ROBO2: variants seen among roughly 807,000 people sequenced by gnomAD.
ROBO2 encodes roundabout homolog 2.
Under a neutral mutation model 160.8 loss-of-function variants are expected in ROBO2, and 53 were observed. That is an observed-to-expected ratio of 0.33 (90% CI 0.26 to 0.41). The LOEUF is 0.41. Among genes scored for constraint, ROBO2 ranks in the 10% least tolerant of loss-of-function variants. ROBO2 has a pLI of 1.00. For synonymous variants in ROBO2, 664 were observed against 611.7 expected (o/e 1.09, Z -1.26); for missense variants, 1,577 against 1,722.4 (o/e 0.92, Z 1.49).
chr3:75,952,651 T>C (rs1415473549), intron 2 of ROBO2, among the ~76,000 whole-genome samples: 1 of 152,006 alleles, frequency 6.6e-6, no homozygotes, highest in Non-Finnish European at 1.5e-5. Context: ...GACTAAAGTC[T>C]GTAGTTTATA....
chr3:76,859,991 C>G (rs1381395288), intron 2 of ROBO2, among the ~76,000 whole-genome samples: 5 of 152,144 alleles, frequency 3.3e-5, no homozygotes, highest in African/African-American at 1.2e-4. Context: ...TTCGACTGCA[C>G]ATGATATTTT....
At chr3:77,222,627 A>G (rs2085970666) in intron 2 of ROBO2, among the ~76,000 whole-genome samples, 1 of 152,172 alleles carries the variant, frequency 6.6e-6, no homozygotes, top group Non-Finnish European at 1.5e-5. Flanking sequence ...TTTGGAAACA[A>G]CTGCTGTTCA....
chr3:77,180,847 A>G (rs2080711732), intron 2 of ROBO2, among the ~76,000 whole-genome samples: 1 of 152,016 alleles, frequency 6.6e-6, no homozygotes, highest in South Asian at 2.1e-4. Flanking sequence ...ATACACTTTG[A>G]CCCATAATAT....
chr3:77,164,438 G>T (rs553604109), intron 2 of ROBO2, among the ~76,000 whole-genome samples: 6 of 137,462 alleles, frequency 4.4e-5, no homozygotes, highest in African/African-American at 1.6e-4. Flanking sequence ...GAGGGAGGTG[G>T]GGGGGTCAGC....
At chr3:77,216,162 C>T (rs1283573954) in intron 2 of ROBO2, among the ~76,000 whole-genome samples, 1 of 152,148 alleles carries the variant, frequency 6.6e-6, no homozygotes, top group Non-Finnish European at 1.5e-5. Flanking sequence ...TGTCTGTGCC[C>T]TGTCCCCAGA....
At chr3:77,219,910 G>T (rs2151186359) in intron 2 of ROBO2, among the ~76,000 whole-genome samples, 1 of 151,502 alleles carries the variant, frequency 6.6e-6, no homozygotes, top group Admixed American at 6.6e-5. Context: ...AAGTTCTTTA[G>T]TAATATGGAA....
intron 2 of ROBO2, among the ~76,000 whole-genome samples, chr3:77,194,707 C>T (rs980461390): frequency 2.6e-5 from 4 of 152,052 alleles, no homozygotes; most frequent in East Asian, 3.9e-4. Flanking sequence ...TTTATTCTGT[C>T]TTTGACCTGT....
At chr3:76,859,129 T>G (rs988132802) in intron 2 of ROBO2, among the ~76,000 whole-genome samples, 1 of 152,198 alleles carries the variant, frequency 6.6e-6, no homozygotes, top group Non-Finnish European at 1.5e-5. Flanking sequence ...GTTGATTTCT[T>G]GAGTGCTGAA....
At chr3:77,623,490 G>A (rs567259186) in intron 23 of ROBO2, among the ~76,000 whole-genome samples, 4 of 152,274 alleles carry the variant, frequency 2.6e-5, no homozygotes, top group South Asian at 2.1e-4. Context: ...CAGCATCAGC[G>A]CCTATGATTT....
At chr3:75,952,558 C>G (rs1301038976) in intron 2 of ROBO2, among the ~76,000 whole-genome samples, 2 of 151,832 alleles carry the variant, frequency 1.3e-5, no homozygotes, top group Admixed American at 1.3e-4. Flanking sequence ...CAGCCTCTAC[C>G]CCAATTTCCC....
chr3:77,458,490 A>G (rs2153568872), intron 2 of ROBO2, among the ~76,000 whole-genome samples: 1 of 152,242 alleles, frequency 6.6e-6, no homozygotes, highest in Non-Finnish European at 1.5e-5. Flanking sequence ...GTTTCCGCAT[A>G]CCTATTAGGA....
intron 2 of ROBO2, among the ~76,000 whole-genome samples, chr3:76,542,013 C>A (rs1414722432): frequency 6.6e-6 from 1 of 152,108 alleles, no homozygotes; most frequent in Admixed American, 6.6e-5. Flanking sequence ...TTCCTTCTTC[C>A]CTCCTCTCTG....
At chr3:76,100,069 C>A (rs1445990916) in intron 2 of ROBO2, among the ~76,000 whole-genome samples, 6 of 152,106 alleles carry the variant, frequency 3.9e-5, no homozygotes, top group African/African-American at 7.2e-5. Context: ...TTTTAACCAC[C>A]AGAATCCACA....
chr3:76,418,997 CATTTTAATCATG>C (rs962610876), intron 2 of ROBO2, among the ~76,000 whole-genome samples: 15 of 128,140 alleles, frequency 1.2e-4, no homozygotes, highest in African/African-American at 3.7e-4. Flanking sequence ...ATTGCAACCA[CATTTTAATCATG>C]GTTTTACAAA....
intron 2 of ROBO2, among the ~76,000 whole-genome samples, chr3:76,037,347 T>A (rs1313622933): frequency 6.7e-6 from 1 of 149,990 alleles, no homozygotes; most frequent in Non-Finnish European, 1.5e-5. Flanking sequence ...AACCTCCGCC[T>A]CCTGGCTTCA....
chr3:76,728,513 C>T (rs1042513993), intron 2 of ROBO2, among the ~76,000 whole-genome samples: 3 of 152,132 alleles, frequency 2.0e-5, no homozygotes, highest in South Asian at 2.1e-4. Context: ...ATCATTAAAT[C>T]GCTATCTTCG....
chr3:76,684,506 T>C lies in ROBO2; in HGVS notation c.110-413508T>C, dbSNP rs143510955. 4.5e-3 allele frequency among the ~76,000 whole-genome samples: 680 copies of C among 152,276 alleles called. 6 individuals carry two copies. Among genetic ancestry groups the C allele is most frequent in the African/African-American group, 0.016 (652 of 41,570 alleles). ...GATTTTAGTAATTAGTAAATTTTAG[T>C]GCAGAGAATAATTTGCCCATTACTT... On this transcript the variant is annotated intron_variant, in intron 2 of 26. Coordinates refer to the ROBO2 transcript ENST00000487694.
chr3:77,263,993 G>A (rs913402669), intron 2 of ROBO2, among the ~76,000 whole-genome samples: 9 of 152,020 alleles, frequency 5.9e-5, no homozygotes, highest in East Asian at 1.9e-4. Context: ...GGTTCATAGC[G>A]AAACTCAATA....
intron 2 of ROBO2, among the ~76,000 whole-genome samples, chr3:76,319,961 C>T (rs1258104010): frequency 6.6e-6 from 1 of 151,962 alleles, no homozygotes; most frequent in African/African-American, 2.4e-5. Context: ...GGGAAGGCAT[C>T]TGTATTTGAT....
Sources: gnomAD v4.1 joint callset for allele counts (sites outside exome capture counted in the v4.1 genomes callset) on GRCh38, gnomAD v4.1.1 for gene constraint, MANE v1.5 for transcripts, NCBI Gene and HGNC (gene_info 2026-07-23, HGNC 2026-07-21) for gene names.